The following FAT4 variants were observed in gnomAD, a reference collection of about 807,000 sequenced individuals.
FAT4 encodes protocadherin Fat 4.
A neutral mutation model predicts 303.9 loss-of-function variants in FAT4; 84 were observed. The ratio of observed to expected loss-of-function variants is 0.28; its 90% CI spans 0.23 to 0.33. The LOEUF is 0.33. Ranked by LOEUF, FAT4 falls within the 10% of genes least tolerant of loss-of-function variation. The pLI is 1.00. For synonymous variants in FAT4, 2,307 were observed against 2,298.8 expected, an observed-to-expected ratio of 1.00 and a Z score of -0.10; for missense variants, 6,005 against 6,146.8, an observed-to-expected ratio of 0.98 and a Z score of 0.77.
intron 3 of FAT4, among the ~76,000 whole-genome samples, chr4:125,403,175 T>A (rs1252833427): frequency 6.6e-6 from 1 of 152,088 alleles, no homozygotes; most frequent in Non-Finnish European, 1.5e-5. Context: ...TCTAGGTTTT[T>A]AAAATATATG....
At chr4:125,467,693 A>T (rs188737964) in intron 11 of FAT4, among the ~76,000 whole-genome samples, 1 of 152,310 alleles carries the variant, frequency 6.6e-6, no homozygotes, top group East Asian at 1.9e-4. Flanking sequence ...TAAACCAATG[A>T]TTCCACTTGT....
In FAT4 at chr4:125,492,491, C is replaced by T. The variant is rs1385805253; in HGVS notation, c.*723C>T. The T allele has an allele frequency of 2.6e-5, 4 of 152,146 alleles. No individual in the cohort carries two copies. In the East Asian group the frequency reaches 5.8e-4, roughly 22 times the overall value. 9.4% of individuals were successfully genotyped at this position (152,146 alleles called of 1,614,324 possible). ...CCCAGAACACTGCCACCTTGCTATGCGAATGATGTTCTCAGCAGCACTTCT... is the reference window on the plus strand; with the variant it reads ...CCCAGAACACTGCCACCTTGCTATGTGAATGATGTTCTCAGCAGCACTTCT... On this transcript the variant is annotated 3_prime_UTR_variant, in exon 18 of 18. Transcript: ENST00000394329.
chr4:125,421,481 T>C (rs1180656346), intron 7 of FAT4, among the ~76,000 whole-genome samples: 1 of 152,224 alleles, frequency 6.6e-6, no homozygotes, highest in Non-Finnish European at 1.5e-5. Flanking sequence ...CCAGACCTTT[T>C]AGAATTTTTT....
At chr4:125,440,595 G>GTT (rs2126049324) in intron 8 of FAT4, among the ~76,000 whole-genome samples, 1 of 61,122 alleles carries the variant, frequency 1.6e-5, no homozygotes, top group African/African-American at 7.2e-5. Flanking sequence ...GTGTGTGTGT[G>GTT]TGTGTGTGTG....
chr4:125,317,693 C>A lies in FAT4; in HGVS notation c.1282C>A (p.Arg428Ser), dbSNP rs1283079360. ...AATCAAGGTGGCCAGCGCCTTGGACCGCGAGCGCATCCCTTCCTACAACCT... is the reference window on the plus strand; with the variant it reads ...AATCAAGGTGGCCAGCGCCTTGGACAGCGAGCGCATCCCTTCCTACAACCT... ...SLIKVASALD[R>S]ERIPSYNLTV... The change falls in exon 2 of 18, where the codon CGC (arginine) becomes AGC (serine). Residue 428 changes from arginine to serine, a missense_variant. Physicochemically the swap from Arg to Ser is moderately radical, Grantham distance 110 (BLOSUM62 -1). Transcript: ENST00000394329. This position sits in a 1 kb window ranked among gnomAD's most constrained non-coding sequence, Gnocchi z 7.0. 1 of 1,614,052 alleles carries A rather than the reference C, an allele frequency of 6.2e-7. No homozygotes were observed. The highest frequency in any genetic ancestry group is 1.1e-5 in the South Asian group (1 of 91,082).
rs1032875011 is a variant in FAT4 at position 125,492,446 on chromosome 4, C to G, written c.*678C>G. On this transcript the variant is annotated 3_prime_UTR_variant, in exon 18 of 18. Transcript: ENST00000394329. ...ACTTTCATGAGGCTTCCATTAGGAACAGAATGATTGCATGTTGTCCCCAGA... is the reference window on the plus strand; with the variant it reads ...ACTTTCATGAGGCTTCCATTAGGAAGAGAATGATTGCATGTTGTCCCCAGA... 2 of 152,230 alleles carry G rather than the reference C, an allele frequency of 1.3e-5. No homozygotes were observed. Among genetic ancestry groups the G allele is most frequent in the Admixed American group, 6.5e-5 (1 of 15,276 alleles). The allele number at this position is 152,230 out of a possible 1,614,324, so 9.4% of individuals were successfully genotyped here. A position where few individuals can be genotyped will look rare whatever the true frequency, so the allele number is the denominator to read the frequency against.
chr4:125,358,051 C>T (rs752131964), intron 2 of FAT4, among the ~76,000 whole-genome samples: 3 of 151,948 alleles, frequency 2.0e-5, no homozygotes, highest in South Asian at 2.1e-4. Flanking sequence ...CCAGCTTGGG[C>T]GGGGGAACTC....
intron 2 of FAT4, among the ~76,000 whole-genome samples, chr4:125,329,667 T>TA (rs1731299349): frequency 6.6e-6 from 1 of 152,176 alleles, no homozygotes; most frequent in African/African-American, 2.4e-5. Context: ...TTCTGAACCC[T>TA]ACATTCGTAT....
At chr4:125,466,050 G>GT in intron 11 of FAT4, among the ~76,000 whole-genome samples, 1 of 152,124 alleles carries the variant, frequency 6.6e-6, no homozygotes, top group African/African-American at 2.4e-5. Flanking sequence ...TTAGAAAAAA[G>GT]TTTTTTGCAC....
chr4:125,451,020 A>G lies in FAT4; in HGVS notation c.10010A>G (p.Tyr3337Cys), dbSNP rs745988075. The change falls in exon 10 of 18, where the codon TAT becomes TGT. Residue 3337 changes from tyrosine (Y) to cysteine (C), a missense_variant. By Grantham distance (194) the Tyr-to-Cys change is radical. Coordinates refer to ENST00000394329, the MANE Select transcript of FAT4 (RefSeq NM_001291303.3). ...RDLGTDGEVH[Y>C]LIFGNSRKKG... The stretch of plus-strand genomic sequence containing the variant: ...TTGGGCACTGATGGGGAGGTACACT[A>G]TTTGATTTTTGGTAATAGTCGAAAG... 2.0e-5 allele frequency: 32 copies of G among 1,613,918 alleles called. No homozygotes were observed. Among genetic ancestry groups the G allele is most frequent in the Non-Finnish European group, 3.4e-6 (4 of 1,179,998 alleles).
At chr4:125,322,165 G>GC (rs769974568) in intron 2 of FAT4, among the ~76,000 whole-genome samples, 33 of 152,108 alleles carry the variant, frequency 2.2e-4, no homozygotes, top group Non-Finnish European at 3.8e-4. Flanking sequence ...GATTTCATCT[G>GC]CCTTAACATT....
chr4:125,372,066 G>T (rs981709995), intron 2 of FAT4, among the ~76,000 whole-genome samples: 1 of 152,008 alleles, frequency 6.6e-6, no homozygotes, highest in Non-Finnish European at 1.5e-5. Flanking sequence ...TTGAATCAAG[G>T]CTGGGCATAG....
Position 125,321,079 on chromosome 4 carries a change from T to C in FAT4, c.4668T>C (p.Asp1556=). ...CAACAATTATGGCTGCTGACCCAGA[T>C]GAAGGTGCTAATGGAGAAATAGAGT... is the stretch of plus-strand genomic sequence containing the variant. ...VLTTIMAADP[D]EGANGEIEYE... The change falls in exon 2 of 18, where the codon GAT becomes GAC. Residue 1556 remains aspartate, a synonymous_variant. Coordinates refer to ENST00000394329, the MANE Select transcript of FAT4 (RefSeq NM_001291303.3). 6.2e-7 allele frequency: 1 copy of C among 1,614,204 alleles called. No individual in the cohort carries two copies. The highest frequency in any genetic ancestry group is 8.5e-7 in the Non-Finnish European group (1 of 1,180,016).
chr4:125,340,820 A>G (rs553664001), intron 2 of FAT4, among the ~76,000 whole-genome samples: 1 of 152,170 alleles, frequency 6.6e-6, no homozygotes, highest in Admixed American at 6.5e-5. Flanking sequence ...TAATCAACAC[A>G]TGGAACACTA....
At chr4:125,365,932 C>T (rs1052260062) in intron 2 of FAT4, among the ~76,000 whole-genome samples, 3 of 152,154 alleles carry the variant, frequency 2.0e-5, no homozygotes, top group East Asian at 1.9e-4. Flanking sequence ...AGGAGGTGAG[C>T]GGCAGGCTAA....
In FAT4 at chr4:125,468,588, C is replaced by T; in HGVS notation, c.11982C>T (p.Asp3994=). The T allele has an allele frequency of 6.2e-7, 1 of 1,613,896 alleles. No individual in the cohort carries two copies. The highest frequency in any genetic ancestry group is 8.5e-7 in the Non-Finnish European group (1 of 1,179,894). The change falls in exon 12 of 18, where the codon GAC becomes GAT. Residue 3994 remains aspartate, a synonymous_variant. Coordinates refer to ENST00000394329, the MANE Select transcript of FAT4 (RefSeq NM_001291303.3). ...CATACATGGAATTTCCAAGCTTGGA[C>T]CCCAATAACAACTATATTTATGTCA... The part of the protein sequence containing the change: ...ELSYMEFPSL[D]PNNNYIYVKF...
chr4:125,374,563 T>C (rs1733243933), intron 2 of FAT4, among the ~76,000 whole-genome samples: 1 of 152,160 alleles, frequency 6.6e-6, no homozygotes, highest in Non-Finnish European at 1.5e-5. Flanking sequence ...TTTAAAGAAA[T>C]TTGAAAAATA....
intron 16 of FAT4, among the ~76,000 whole-genome samples, chr4:125,486,474 T>G (rs1192313974): frequency 6.6e-6 from 1 of 152,158 alleles, no homozygotes; most frequent in Admixed American, 6.5e-5. Context: ...ATCTTTTCAT[T>G]CCCGTTATTT....
At chr4:125,326,041 G>A (rs1356253447) in intron 2 of FAT4, among the ~76,000 whole-genome samples, 1 of 152,048 alleles carries the variant, frequency 6.6e-6, no homozygotes, top group Non-Finnish European at 1.5e-5. Flanking sequence ...GGTGTGGGTA[G>A]TGAGATTTTG....
Sources: gnomAD v4.1 joint callset for allele counts (sites outside exome capture counted in the v4.1 genomes callset) on GRCh38, gnomAD v4.1.1 for gene constraint, Gnocchi (gnomAD v3.1) non-coding constraint, MANE v1.5 for transcripts, NCBI Gene and HGNC (gene_info 2026-07-23, HGNC 2026-07-21) for gene names.